The following TOX variants were observed in gnomAD, a reference collection of about 807,000 sequenced individuals.
TOX encodes the protein thymocyte selection-associated high mobility group box protein TOX.
Under a neutral mutation model 53.7 loss-of-function variants are expected in TOX, and 11 were observed. That is an observed-to-expected ratio of 0.20 (90% CI 0.13 to 0.34). TOX has a LOEUF of 0.34. Among genes scored for constraint, TOX ranks in the 10% least tolerant of loss-of-function variants. The pLI is 1.00. For synonymous variants in TOX, 225 were observed against 245.3 expected, an observed-to-expected ratio of 0.92 and a Z score of 0.77; for missense variants, 570 against 664.6, an observed-to-expected ratio of 0.86 and a Z score of 1.56.
At chr8:59,100,682 C>T (rs569754543) in intron 1 of TOX, among the ~76,000 whole-genome samples, 1 of 152,150 alleles carries the variant, frequency 6.6e-6, no homozygotes, top group East Asian at 1.9e-4. Flanking sequence ...CGATGTTTAC[C>T]TTTTGAAACC....
At chr8:58,938,719 A>G (rs1812387327) in intron 3 of TOX, among the ~76,000 whole-genome samples, 1 of 152,214 alleles carries the variant, frequency 6.6e-6, no homozygotes, top group Non-Finnish European at 1.5e-5. Context: ...AATTTGAAAA[A>G]TTAATGGGAA....
At chr8:58,891,034 C>G (rs1187115909) in intron 3 of TOX, among the ~76,000 whole-genome samples, 1 of 151,992 alleles carries the variant, frequency 6.6e-6, no homozygotes, top group African/African-American at 2.4e-5. Flanking sequence ...CTCTCTCCTC[C>G]CTGCATTTTT....
chr8:58,866,290 T>A (rs1458557126), intron 3 of TOX, among the ~76,000 whole-genome samples: 3 of 152,154 alleles, frequency 2.0e-5, no homozygotes, highest in African/African-American at 7.2e-5. Flanking sequence ...CTGACTGACA[T>A]ACTCATCAAG....
chr8:59,089,146 G>A (rs1338218448), intron 1 of TOX, among the ~76,000 whole-genome samples: 1 of 152,190 alleles, frequency 6.6e-6, no homozygotes, highest in East Asian at 1.9e-4. Context: ...GCTGATAATA[G>A]ACCTAGCATA....
At chr8:58,995,071 T>C (rs1207789758) in intron 1 of TOX, among the ~76,000 whole-genome samples, 4 of 152,208 alleles carry the variant, frequency 2.6e-5, no homozygotes, top group Non-Finnish European at 4.4e-5. Context: ...TATTTCTGTA[T>C]ATGTAATAAG....
intron 3 of TOX, among the ~76,000 whole-genome samples, chr8:58,932,082 T>A (rs998141658): frequency 6.6e-6 from 1 of 152,136 alleles, no homozygotes; most frequent in African/African-American, 2.4e-5. Context: ...CTTAAGTAGA[T>A]CTTAACAATT....
At chr8:59,023,054 A>G (rs1178554010) in intron 1 of TOX, among the ~76,000 whole-genome samples, 1 of 152,154 alleles carries the variant, frequency 6.6e-6, no homozygotes, top group East Asian at 1.9e-4. Context: ...TGAAAATCTC[A>G]GTGGTGTATG....
At chr8:58,962,953 A>C (rs1343022292) in intron 1 of TOX, among the ~76,000 whole-genome samples, 1 of 152,196 alleles carries the variant, frequency 6.6e-6, no homozygotes, top group African/African-American at 2.4e-5. Flanking sequence ...AGCGAGAATA[A>C]CATGTGAATT....
intron 3 of TOX, among the ~76,000 whole-genome samples, chr8:58,901,306 T>G (rs1811731370): frequency 6.6e-6 from 1 of 152,164 alleles, no homozygotes; most frequent in Admixed American, 6.5e-5. Flanking sequence ...AGGCTAATGC[T>G]CAGAGAAAAT....
At chr8:58,910,683 C>A (rs1330711407) in intron 3 of TOX, among the ~76,000 whole-genome samples, 1 of 152,144 alleles carries the variant, frequency 6.6e-6, no homozygotes, top group African/African-American at 2.4e-5. Flanking sequence ...TATCAAGCAC[C>A]TTTTAGAGAG....
chr8:58,992,650 A>AC (rs1315901433), intron 1 of TOX, among the ~76,000 whole-genome samples: 2 of 152,326 alleles, frequency 1.3e-5, no homozygotes, highest in Admixed American at 1.3e-4. Flanking sequence ...ACCATATCTT[A>AC]ATCAATCGTG....
chr8:58,825,056 T>A (rs1332933131), intron 6 of TOX, among the ~76,000 whole-genome samples: 2 of 152,230 alleles, frequency 1.3e-5, no homozygotes, highest in Admixed American at 1.3e-4. Context: ...ATTATTTGCC[T>A]TGTCCTAATT....
At chr8:59,014,680 C>T (rs1055626319) in intron 1 of TOX, among the ~76,000 whole-genome samples, 3 of 152,202 alleles carry the variant, frequency 2.0e-5, no homozygotes, top group African/African-American at 7.2e-5. Flanking sequence ...AGTTAAGAGT[C>T]ATCTGGAGTA....
chr8:58,947,628 A>C (rs1031845483), intron 2 of TOX, among the ~76,000 whole-genome samples: 1 of 152,340 alleles, frequency 6.6e-6, no homozygotes, highest in Non-Finnish European at 1.5e-5. Context: ...ACAGTTTGTT[A>C]TAAAGATAGT....
rs536600521 is a variant in TOX at position 58,972,082 on chromosome 8, TG to T, written c.103-12075del. On this transcript the variant is annotated intron_variant, in intron 1 of 8. Coordinates refer to ENST00000361421, the MANE Select transcript of TOX (RefSeq NM_014729.3). The stretch of plus-strand genomic sequence containing the variant: ...TAATGAAAAGGACAAAAGAAAATAA[TG>T]GTAAAATCACCAATTAAATGAAAAC... Among the ~76,000 whole-genome samples, 17 of 152,280 alleles carry T rather than the reference TG, an allele frequency of 1.1e-4. No homozygotes were observed. The East Asian group carries it at 3.3e-3, about 29-fold the overall frequency.
At chr8:58,970,883 T>C (rs1812990045) in intron 1 of TOX, among the ~76,000 whole-genome samples, 1 of 152,228 alleles carries the variant, frequency 6.6e-6, no homozygotes, top group Admixed American at 6.5e-5. Flanking sequence ...CTTTCATTTC[T>C]AAATCAAAGT....
chr8:58,991,650 C>T (rs1813449843), intron 1 of TOX: 1 of 152,110 alleles, frequency 6.6e-6, no homozygotes. Flanking sequence ...GCTCTCTGCC[C>T]CTGGTGATAT....
intron 3 of TOX, among the ~76,000 whole-genome samples, chr8:58,897,194 C>T (rs931653697): frequency 2.6e-5 from 4 of 152,160 alleles, no homozygotes; most frequent in Non-Finnish European, 5.9e-5. Flanking sequence ...AAATGCCCTG[C>T]CTTTCCCAGA....
chr8:58,892,067 G>C (rs965612585), intron 3 of TOX, among the ~76,000 whole-genome samples: 1 of 152,008 alleles, frequency 6.6e-6, no homozygotes, highest in Non-Finnish European at 1.5e-5. Context: ...GCCATTCCTG[G>C]GTAGAAACCA....
Sources: allele counts gnomAD v4.1 joint callset (sites outside exome capture counted in the v4.1 genomes callset), GRCh38; gene constraint gnomAD v4.1.1; transcripts MANE v1.5; gene names NCBI Gene and HGNC (gene_info 2026-07-23, HGNC 2026-07-21).